Variants in USP54 observed in about 807,000 individuals in gnomAD.
USP54 encodes the protein ubiquitin carboxyl-terminal hydrolase 54.
Under a neutral mutation model 170.5 loss-of-function variants are expected in USP54, and 87 were observed. That is an observed-to-expected ratio of 0.51 (90% confidence interval 0.43 to 0.61). The LOEUF is 0.61. Among genes scored for constraint, USP54 ranks in the 20% least tolerant of loss-of-function variants. The pLI, the probability that USP54 is intolerant of heterozygous loss-of-function variation, is 0.00. For missense variants in USP54, 1,786 were observed against 2,047.8 expected, an observed-to-expected ratio of 0.87 and a Z score of 2.47; for synonymous variants, 655 against 742.8, an observed-to-expected ratio of 0.88 and a Z score of 1.92.
At chr10:73,522,073 A>G (rs776780967) in intron 17 of USP54, among the ~76,000 whole-genome samples, 5 of 152,188 alleles carry the variant, frequency 3.3e-5, no homozygotes, top group Non-Finnish European at 7.3e-5. Flanking sequence ...ACTTACCTCC[A>G]GCAGGACATG....
At chr10:73,577,049 A>G (rs909255777) in intron 1 of USP54, among the ~76,000 whole-genome samples, 1 of 152,236 alleles carries the variant, frequency 6.6e-6, no homozygotes, top group Non-Finnish European at 1.5e-5. Context: ...TTAGTTTTCA[A>G]CTAATTAAAA....
At chr10:73,523,507 C>T in intron 17 of USP54, 76 bp downstream of exon 17, 1 of 1,443,740 alleles carries the variant, frequency 6.9e-7, no homozygotes, top group Non-Finnish European at 9.2e-7. Context: ...AGACAGGGAA[C>T]TTACAAGCTT....
At chr10:73,572,010 T>G (rs2075289147) in intron 3 of USP54, among the ~76,000 whole-genome samples, 1 of 152,194 alleles carries the variant, frequency 6.6e-6, no homozygotes, top group Non-Finnish European at 1.5e-5. Context: ...TTTATACTTT[T>G]GTTGAAATGG....
In USP54 at chr10:73,541,635, G is replaced by C. The variant is rs757954272; in HGVS notation, c.676C>G (p.Pro226Ala). 4 of 1,614,028 alleles carry C rather than the reference G, an allele frequency of 2.5e-6. No individual in the cohort carries two copies. The change falls in exon 8 of 24, where the codon CCA (proline) becomes GCA (alanine). Residue 226 changes from proline to alanine, a missense_variant and splice_region_variant. By Grantham distance (27) the Pro-to-Ala change is conservative (BLOSUM62 -1). This residue lies in a region of USP54 where 361 missense variants were observed against 455.0 expected (regional missense o/e 0.79). Transcript: ENST00000687698. ...ACCCCACCCCTGATTTAACTCACTG[G>C]ACAGTTCCGCAGATCCCCCATGGTG... Reference protein sequence around the residue: ...ASTMGDLRNCPSNCGERIRIR... With the variant: ...ASTMGDLRNCASNCGERIRIR...
rs762040805 is a variant in USP54 at position 73,529,911 on chromosome 10, G to A, written c.1829C>T (p.Ala610Val). The stretch of plus-strand genomic sequence containing the variant: ...TGGTTCATCTGGTATAAATTCTTTA[G>A]CTATCCCAATCAAAAGACAGGTATG... ...TQLSPFSEDS[A>V]KEFIPDEPSK... The change falls in exon 15 of 24, where the codon GCT becomes GTT. Residue 610 changes from alanine (A) to valine (V), a missense_variant and splice_region_variant. Ala to Val is a moderately conservative substitution (Grantham distance 64). This residue lies in a region of USP54 where 1,418 missense variants were observed against 1,569.0 expected (regional missense o/e 0.90). Coordinates refer to ENST00000687698, the MANE Select transcript of USP54 (RefSeq NM_001391956.1). The A allele has an allele frequency of 6.6e-5, 100 of 1,523,686 alleles. No individual in the cohort carries two copies. Among genetic ancestry groups the A allele is most frequent in the Non-Finnish European group, 8.3e-5 (94 of 1,138,356 alleles). 94.4% of individuals were successfully genotyped at this position (1,523,686 alleles called of 1,614,324 possible).
chr10:73,584,735 A>T (rs763130230), intron 1 of USP54, among the ~76,000 whole-genome samples: 72 of 152,200 alleles, frequency 4.7e-4, no homozygotes, highest in South Asian at 1.0e-3. Context: ...TTTCCCTAAA[A>T]ATAGAGTGAA....
chr10:73,583,126 G>A (rs1424871656), intron 1 of USP54, among the ~76,000 whole-genome samples: 2 of 152,146 alleles, frequency 1.3e-5, no homozygotes, highest in South Asian at 2.1e-4. Context: ...AAAATGTCAA[G>A]GTTATAAAAG....
At chr10:73,541,282 C>T in intron 9 of USP54, 93 bp downstream of exon 9, 1 of 1,541,770 alleles carries the variant, frequency 6.5e-7, no homozygotes, top group Non-Finnish European at 8.8e-7. Flanking sequence ...TACTTGTCAT[C>T]TAGGACATAC....
In USP54 at chr10:73,590,190, G is replaced by A. The variant is rs189380290; in HGVS notation, c.-582+1088C>T. On this transcript the variant is annotated intron_variant, in intron 1 of 23. Coordinates refer to ENST00000687698, the MANE Select transcript of USP54 (RefSeq NM_001391956.1). ...ATGTTCTTTCTACCTATGTATAGCC[G>A]CTTTGTAGAGGGACAATACTACTAC... Among the ~76,000 whole-genome samples the A allele has an allele frequency of 1.5e-3, 230 of 152,206 alleles. 1 individual carries two copies. Among genetic ancestry groups the A allele is most frequent in the African/African-American group, 5.3e-3 (221 of 41,502 alleles).
rs879847923 is a variant in USP54 at position 73,587,528 on chromosome 10, G to A, written c.-582+3750C>T. ...GGGCCAACAATATTGCAGAACCTCGGGAGGTAACATGCTTTTAGTGGAGAT... is the reference window on the plus strand; with the variant it reads ...GGGCCAACAATATTGCAGAACCTCGAGAGGTAACATGCTTTTAGTGGAGAT... On this transcript the variant is annotated intron_variant, in intron 1 of 23. Coordinates refer to ENST00000687698, the MANE Select transcript of USP54 (RefSeq NM_001391956.1). 2.5e-4 allele frequency among the ~76,000 whole-genome samples: 38 copies of A among 152,144 alleles called. No individual in the cohort carries two copies. The Middle Eastern group carries it at 0.014, about 54-fold the overall frequency.
At chr10:73,520,215 T>TA (rs1332250142) in intron 18 of USP54, 6 of 601,406 alleles carry the variant, frequency 1.0e-5, no homozygotes, top group South Asian at 6.4e-5. Context: ...TAATCCAAAT[T>TA]AAAAAAACAA....
At chr10:73,521,445 C>G (rs895228274) in intron 17 of USP54, among the ~76,000 whole-genome samples, 1 of 152,216 alleles carries the variant, frequency 6.6e-6, no homozygotes, top group Non-Finnish European at 1.5e-5. Flanking sequence ...TTCTTGCCAA[C>G]TAGTGTCAGA....
chr10:73,566,151 A>G (rs374403386), intron 4 of USP54, among the ~76,000 whole-genome samples: 4 of 151,982 alleles, frequency 2.6e-5, no homozygotes, highest in African/African-American at 9.7e-5. Flanking sequence ...AATCACTTGA[A>G]CCCGGGAGGC....
rs757050390 is a variant in USP54 at position 73,520,982 on chromosome 10, A to G, written c.2408T>C (p.Val803Ala). The change falls in exon 18 of 24, where the codon GTG becomes GCG. Residue 803 changes from valine to alanine, a missense_variant. Val to Ala is a moderately conservative substitution (Grantham distance 64). This residue lies in a region of USP54 where 1,418 missense variants were observed against 1,569.0 expected (regional missense o/e 0.90). Transcript: ENST00000687698. ...FERSLQEAESVFEESLHLEQK... is the reference protein window; with the variant it reads ...FERSLQEAESAFEESLHLEQK... ...TTCCAGATGTAGTGACTCTTCAAAC[A>G]CTGACTCTGCCTCTTGCAGGGACCT... is the stretch of plus-strand genomic sequence containing the variant. The G allele has an allele frequency of 1.9e-6, 3 of 1,614,052 alleles. No homozygotes were observed. In the East Asian group the frequency reaches 6.7e-5, roughly 36 times the overall value.
intron 16 of USP54, among the ~76,000 whole-genome samples, chr10:73,526,272 G>A (rs1328866833): frequency 6.6e-6 from 1 of 151,544 alleles, no homozygotes; most frequent in East Asian, 1.9e-4. Flanking sequence ...TTTTGAAATG[G>A]AGTCTCACTC....
intron 1 of USP54, among the ~76,000 whole-genome samples, chr10:73,605,332 G>A (rs139066183): frequency 1.3e-5 from 2 of 152,240 alleles, no homozygotes; most frequent in African/African-American, 4.8e-5. Flanking sequence ...CCAAAGTGCT[G>A]GGATTACAGG....
Position 73,613,276 on chromosome 10 carries a change from T to C in USP54, c.-18+12291A>G, listed in dbSNP as rs548172929. Among the ~76,000 whole-genome samples the C allele has an allele frequency of 1.6e-3, 245 of 151,370 alleles. 2 individuals carry two copies. The highest frequency in any genetic ancestry group is 2.0e-3 in the Non-Finnish European group (135 of 67,860). On this transcript the variant is annotated intron_variant, in intron 1 of 22. Coordinates refer to the USP54 transcript ENST00000339859. ...CATCCGGAGTAGCTGGGACTACAGG[T>C]GCATGCCACCATGCCCAGCTAATTT... is the stretch of plus-strand genomic sequence containing the variant.
At chr10:73,517,810 A>C in intron 19 of USP54, 63 bp from the exon 20 acceptor site, 1 of 1,517,784 alleles carries the variant, frequency 6.6e-7, no homozygotes, top group Non-Finnish European at 8.9e-7. Context: ...TTACAGAAAG[A>C]ACTCAACATT....
chr10:73,540,056 G>A (rs767220981), intron 9 of USP54, among the ~76,000 whole-genome samples: 19 of 151,878 alleles, frequency 1.3e-4, no homozygotes, highest in Non-Finnish European at 2.8e-4. Flanking sequence ...GCAGTGAACC[G>A]AGATCATGAC....
Sources: allele counts gnomAD v4.1 joint callset (sites outside exome capture counted in the v4.1 genomes callset), GRCh38; gene constraint gnomAD v4.1.1; regional missense constraint gnomAD v4.1.1; transcripts MANE v1.5; gene names NCBI Gene and HGNC (gene_info 2026-07-23, HGNC 2026-07-21).